Variants in FGF13 observed in about 807,000 individuals in gnomAD.
FGF13 encodes fibroblast growth factor homologous factor 2.
FGF13 carries 2 observed loss-of-function variants against 19.5 expected under a neutral mutation model. That is an observed-to-expected ratio of 0.10 (90% CI 0.04 to 0.32). FGF13 has a LOEUF of 0.32. FGF13 is among the 10% of genes least tolerant of loss of function. The pLI, the probability that FGF13 is intolerant of heterozygous loss-of-function variation, is 1.00. For synonymous variants in FGF13, 72 were observed against 76.9 expected (o/e 0.94, Z 0.33); for missense variants, 113 against 192.7 (o/e 0.59, Z 2.45).
intron 3 of FGF13, among the ~76,000 whole-genome samples, chrX:138,806,004 T>C (rs1244161534): frequency 5.4e-5 from 6 of 111,489 alleles, no homozygotes; most frequent in African/African-American, 1.6e-4. Flanking sequence ...CTTGACTCAG[T>C]ATGGGTGTTT....
chrX:138,841,689 C>T (rs2091150964), intron 3 of FGF13, among the ~76,000 whole-genome samples: 1 of 111,244 alleles, frequency 9.0e-6, no homozygotes, highest in Admixed American at 9.6e-5. Context: ...AATCAAAATA[C>T]ATTAAATTAG....
intron 1 of FGF13, among the ~76,000 whole-genome samples, chrX:139,002,197 G>T (rs761845402): frequency 6.3e-5 from 7 of 110,456 alleles, no homozygotes; most frequent in Non-Finnish European, 1.3e-4. Flanking sequence ...TTGGGGGTAG[G>T]GGGCTTGGGG....
chrX:138,952,955 T>C (rs2091821460), intron 1 of FGF13, among the ~76,000 whole-genome samples: 1 of 110,758 alleles, frequency 9.0e-6, no homozygotes, highest in Non-Finnish European at 1.9e-5. Context: ...CGTGGAGAAA[T>C]AGGAACACTT....
chrX:139,203,156 C>G (rs1231350275), intron 1 of FGF13, among the ~76,000 whole-genome samples: 2 of 111,986 alleles, frequency 1.8e-5, no homozygotes, highest in African/African-American at 6.5e-5. Flanking sequence ...AGCCTGAGCA[C>G]CGCTTTGCTG....
At position 138,857,906 on chromosome X, in the gene FGF13, A is replaced by T. The variant is rs778289588; in HGVS notation, c.-38-227T>A. ...TATATATACCTCTGTTGCTAGTACA[A>T]TGAAAACAGTGTTAAATCATACCCA... On this transcript the variant is annotated intron_variant, in intron 2 of 2. Transcript: ENST00000421460. Among the ~76,000 whole-genome samples, 9 of 112,448 alleles carry T rather than the reference A, an allele frequency of 8.0e-5. No homozygotes were observed. The East Asian group carries it at 2.5e-3, about 32-fold the overall frequency.
chrX:139,009,217 G>A (rs1306469805), intron 1 of FGF13, among the ~76,000 whole-genome samples: 3 of 111,915 alleles, frequency 2.7e-5, no homozygotes, highest in African/African-American at 9.7e-5. Flanking sequence ...CTCACAGTTT[G>A]GAAAACATAT....
chrX:139,018,206 T>C (rs2092162265), intron 1 of FGF13, among the ~76,000 whole-genome samples: 1 of 111,756 alleles, frequency 8.9e-6, no homozygotes, highest in African/African-American at 3.2e-5. Flanking sequence ...TTCCAGATTG[T>C]ATCAAATGTC....
intron 1 of FGF13, among the ~76,000 whole-genome samples, chrX:138,922,028 A>C (rs1603033560): frequency 9.3e-6 from 1 of 108,019 alleles, no homozygotes; most frequent in Non-Finnish European, 1.9e-5. Flanking sequence ...CCTCTCTATC[A>C]TTGTTTTTCA....
At chrX:139,013,540 T>C (rs1294938267) in intron 1 of FGF13, among the ~76,000 whole-genome samples, 1 of 88,256 alleles carries the variant, frequency 1.1e-5, no homozygotes, top group Non-Finnish European at 2.1e-5. Flanking sequence ...TAAAATGAAA[T>C]ACTATTCAGC....
intron 1 of FGF13, among the ~76,000 whole-genome samples, chrX:138,724,227 T>C (rs1419326756): frequency 8.9e-6 from 1 of 112,058 alleles, no homozygotes; most frequent in Non-Finnish European, 1.9e-5. Flanking sequence ...TAAAAATAGG[T>C]AGCATGGACT....
At chrX:138,755,872 T>G (rs910611963) in intron 3 of FGF13, among the ~76,000 whole-genome samples, 60 of 112,058 alleles carry the variant, frequency 5.4e-4, no homozygotes, top group Non-Finnish European at 1.0e-3. Context: ...CCCCAATACC[T>G]CACAATGTGA....
Position 138,690,373 on chromosome X carries a change from C to T in FGF13, c.402+12611G>A, listed in dbSNP as rs746439632. On this transcript the variant is annotated intron_variant, in intron 3 of 4. Coordinates refer to ENST00000315930, the MANE Select transcript of FGF13 (RefSeq NM_004114.5). ...GTCAGCATTGTTTCTCTTTGTTATG[C>T]CTACTATTGGAACTTGAAATTATAG... 1.2e-3 allele frequency among the ~76,000 whole-genome samples: 130 copies of T among 110,789 alleles called. 1 individual carries two copies. Among genetic ancestry groups the T allele is most frequent in the African/African-American group, 4.1e-3 (126 of 30,481 alleles).
Position 138,892,002 on chromosome X carries a change from A to ATGTGTGTG in FGF13, c.-112-27360_-112-27353dup, listed in dbSNP as rs3077315. 1.4e-3 allele frequency among the ~76,000 whole-genome samples: 128 copies of ATGTGTGTG among 90,382 alleles called. 2 individuals are homozygous for ATGTGTGTG. The highest frequency in any genetic ancestry group is 1.0e-3 in the African/African-American group (24 of 23,630). The allele number at this position is 90,382 out of a possible 115,157, so 78.5% of individuals were successfully genotyped here. A position where few individuals can be genotyped will look rare whatever the true frequency, so the allele number is the denominator to read the frequency against. On this transcript the variant is annotated intron_variant, in intron 1 of 2. Coordinates refer to the FGF13 transcript ENST00000421460. ...TCTGTCTCTCTCTCTATATATACAT[A>ATGTGTGTG]TGTGTGTGTGTGTGTGTGTGTGTGT... is the stretch of plus-strand genomic sequence containing the variant.
At chrX:139,073,577 T>A (rs1280986898) in intron 1 of FGF13, among the ~76,000 whole-genome samples, 3 of 111,474 alleles carry the variant, frequency 2.7e-5, no homozygotes, top group Non-Finnish European at 5.6e-5. Flanking sequence ...GCCTTCCTAT[T>A]AGACAAAAGG....
intron 1 of FGF13, among the ~76,000 whole-genome samples, chrX:139,006,950 A>C (rs2092104018): frequency 8.9e-6 from 1 of 111,933 alleles, no homozygotes; most frequent in South Asian, 3.7e-4. Context: ...ACTACAAAAC[A>C]ACCAGAAAAC....
At chrX:139,190,825 A>T (rs1319610840) in intron 1 of FGF13, among the ~76,000 whole-genome samples, 1 of 112,180 alleles carries the variant, frequency 8.9e-6, no homozygotes, top group Non-Finnish European at 1.9e-5. Context: ...AGCCACTCTG[A>T]GCAACAGTTT....
At chrX:138,914,636 C>CTTT (rs34940979) in intron 1 of FGF13, among the ~76,000 whole-genome samples, 2,200 of 76,911 alleles carry the variant, frequency 0.029, 138 homozygotes, top group African/African-American at 0.11. Context: ...TTGTGTTGGA[C>CTTT]TTTTTTTTTT....
chrX:138,961,670 G>T (rs762965906), intron 1 of FGF13, among the ~76,000 whole-genome samples: 77 of 111,806 alleles, frequency 6.9e-4, no homozygotes, highest in African/African-American at 2.3e-3. Flanking sequence ...ACAGAACAGA[G>T]CCCTCAGAAA....
intron 1 of FGF13, among the ~76,000 whole-genome samples, chrX:139,137,937 C>T (rs940451307): frequency 8.0e-5 from 9 of 112,301 alleles, no homozygotes; most frequent in African/African-American, 2.3e-4. Flanking sequence ...ATCCAATCAT[C>T]ATCTTTGCAG....
Sources: allele counts gnomAD v4.1 joint callset (sites outside exome capture counted in the v4.1 genomes callset), GRCh38; gene constraint gnomAD v4.1.1; transcripts MANE v1.5; gene names NCBI Gene and HGNC (gene_info 2026-07-23, HGNC 2026-07-21).